SNX29: variants seen among roughly 807,000 people sequenced by gnomAD.
SNX29 encodes sorting nexin-29.
A neutral mutation model predicts 102.1 loss-of-function variants in SNX29; 78 were observed. The observed-to-expected ratio is 0.76, with a 90% CI of 0.64 to 0.92. The LOEUF is 0.92. Among genes scored for constraint, SNX29 ranks in the 40% least tolerant of loss-of-function variants. The pLI, the probability that SNX29 is intolerant of heterozygous loss-of-function variation, is 0.00. For missense variants in SNX29, 1,280 were observed against 1,061.7 expected, an observed-to-expected ratio of 1.21 and a Z score of -2.86; for synonymous variants, 580 against 414.5, an observed-to-expected ratio of 1.40 and a Z score of -4.85.
intron 19 of SNX29, among the ~76,000 whole-genome samples, chr16:12,520,483 A>G (rs1263179298): frequency 6.6e-6 from 1 of 152,226 alleles, no homozygotes; most frequent in African/African-American, 2.4e-5. Flanking sequence ...TCTGAAATTC[A>G]GTGACCAGCC....
chr16:12,059,432 C>G (rs539502487), intron 8 of SNX29, among the ~76,000 whole-genome samples: 4 of 152,216 alleles, frequency 2.6e-5, no homozygotes, highest in South Asian at 2.1e-4. Flanking sequence ...AGGACAGTCG[C>G]GGGAGCGGCT....
At chr16:12,075,660 A>G (rs1324091238) in intron 10 of SNX29, among the ~76,000 whole-genome samples, 1 of 152,166 alleles carries the variant, frequency 6.6e-6, no homozygotes, top group African/African-American at 2.4e-5. Context: ...TCAGATTTCC[A>G]GCTGCGTGCT....
chr16:12,070,113 T>C (rs114464018), intron 10 of SNX29, among the ~76,000 whole-genome samples: 3,858 of 152,330 alleles, frequency 0.025, 55 homozygotes, highest in Middle Eastern at 0.071. Flanking sequence ...AAGCACTATA[T>C]AGGTTTTCTT....
chr16:12,480,526 C>T (rs1036059407), intron 19 of SNX29, among the ~76,000 whole-genome samples: 2 of 152,208 alleles, frequency 1.3e-5, no homozygotes, highest in Non-Finnish European at 2.9e-5. Context: ...AGATCCCTAA[C>T]TTAACCACAT....
At chr16:11,983,688 G>T (rs1172194321) in intron 1 of SNX29, 2 of 985,252 alleles carry the variant, frequency 2.0e-6, no homozygotes, top group Admixed American at 6.2e-5. Flanking sequence ...TGGCTATCTT[G>T]CCTCCTGGTT....
intron 3 of SNX29, among the ~76,000 whole-genome samples, chr16:12,022,550 C>G (rs1208318512): frequency 6.6e-6 from 1 of 152,160 alleles, no homozygotes; most frequent in East Asian, 1.9e-4. Context: ...CCATCGATCA[C>G]AATTCAGTTT....
intron 14 of SNX29, among the ~76,000 whole-genome samples, chr16:12,271,936 C>G (rs539699898): frequency 6.6e-6 from 1 of 152,012 alleles, no homozygotes; most frequent in African/African-American, 2.4e-5. Context: ...GGTCCATCTT[C>G]GAAGCTGCTT....
chr16:12,157,247 G>A (rs1319138667), intron 13 of SNX29, among the ~76,000 whole-genome samples: 1 of 152,166 alleles, frequency 6.6e-6, no homozygotes, highest in Non-Finnish European at 1.5e-5. Flanking sequence ...TCTCCACCCT[G>A]CTTCCACACT....
At chr16:12,559,671 G>C (rs975717075) in intron 20 of SNX29, among the ~76,000 whole-genome samples, 2 of 151,798 alleles carry the variant, frequency 1.3e-5, no homozygotes, top group Non-Finnish European at 2.9e-5. Flanking sequence ...CTCTACCATG[G>C]GCCTGGGGCA....
At chr16:12,364,009 T>A (rs931281405) in intron 16 of SNX29, among the ~76,000 whole-genome samples, 1 of 152,248 alleles carries the variant, frequency 6.6e-6, no homozygotes, top group East Asian at 1.9e-4. Context: ...TACTTTTTTT[T>A]AGAGACAGGG....
At chr16:12,326,807 G>A (rs2081134414) in intron 15 of SNX29, among the ~76,000 whole-genome samples, 1 of 152,348 alleles carries the variant, frequency 6.6e-6, no homozygotes. Context: ...GGCTGGGGCA[G>A]TGTGGTAGGG....
chr16:12,567,404 C>T (rs1045378803), intron 20 of SNX29, among the ~76,000 whole-genome samples: 1 of 152,192 alleles, frequency 6.6e-6, no homozygotes, highest in South Asian at 2.1e-4. Flanking sequence ...ACTTCCTATT[C>T]AAATAGCGTA....
intron 14 of SNX29, among the ~76,000 whole-genome samples, chr16:12,259,267 C>CA (rs1416472746): frequency 6.6e-6 from 1 of 152,214 alleles, no homozygotes; most frequent in African/African-American, 2.4e-5. Context: ...TCCAGGTGTA[C>CA]ATGGGAATCG....
intron 18 of SNX29, among the ~76,000 whole-genome samples, chr16:12,444,085 G>T (rs1488306373): frequency 6.6e-6 from 1 of 151,124 alleles, no homozygotes; most frequent in Non-Finnish European, 1.5e-5. Flanking sequence ...CACATACTAA[G>T]CACTCAGTAT....
At chr16:12,049,853 G>A (rs915116046) in intron 7 of SNX29, among the ~76,000 whole-genome samples, 4 of 152,176 alleles carry the variant, frequency 2.6e-5, no homozygotes, top group Non-Finnish European at 4.4e-5. Flanking sequence ...CTGGCCTCAA[G>A]TGATCCTCCT....
intron 15 of SNX29, among the ~76,000 whole-genome samples, chr16:12,339,902 G>T (rs1334908929): frequency 6.6e-6 from 1 of 152,168 alleles, no homozygotes. Context: ...CAGTGGGGGC[G>T]TTTGGTCAGC....
intron 20 of SNX29, among the ~76,000 whole-genome samples, chr16:12,541,723 C>A (rs973377982): frequency 6.6e-6 from 1 of 152,120 alleles, no homozygotes; most frequent in African/African-American, 2.4e-5. Context: ...TTCCTGTCAC[C>A]TCCTGTCTTT....
chr16:12,318,583 G>A (rs572651547), intron 15 of SNX29, among the ~76,000 whole-genome samples: 3 of 152,232 alleles, frequency 2.0e-5, no homozygotes, highest in South Asian at 2.1e-4. Context: ...TAAAAATTTA[G>A]GGCTCCTGGC....
intron 3 of SNX29, among the ~76,000 whole-genome samples, chr16:12,004,171 CT>C (rs2151028739): frequency 6.6e-6 from 1 of 151,972 alleles, no homozygotes; most frequent in African/African-American, 2.4e-5. Context: ...GAAACCCCGT[CT>C]CTACTAAAAA....
Sources: gnomAD v4.1 joint callset for allele counts (sites outside exome capture counted in the v4.1 genomes callset) on GRCh38, gnomAD v4.1.1 for gene constraint, MANE v1.5 for transcripts, NCBI Gene and HGNC (gene_info 2026-07-23, HGNC 2026-07-21) for gene names.